CDH18: variants seen among roughly 807,000 people sequenced by gnomAD.
The protein encoded by CDH18 is cadherin-18.
CDH18 carries 31 observed loss-of-function variants against 67.9 expected under a neutral mutation model. The observed-to-expected ratio is 0.46, with a 90% CI of 0.34 to 0.62. The LOEUF is 0.62. Among genes scored for constraint, CDH18 ranks in the 20% least tolerant of loss-of-function variants. CDH18 has a pLI of 0.01. For missense variants in CDH18, 890 were observed against 975.5 expected (o/e 0.91, Z 1.17); for synonymous variants, 362 against 347.2 (o/e 1.04, Z -0.48).
rs1170584143 is a variant in CDH18, at chr5:20,238,372, T to A, written c.-518+17072A>T. On this transcript the variant is annotated intron_variant, in intron 2 of 14. Transcript: ENST00000507958. ...TGTATTCAGAATTTAAATAGAAATCTCAGCTTCATAAGGAAGTAAGCCAGT... is the reference window on the plus strand; with the variant it reads ...TGTATTCAGAATTTAAATAGAAATCACAGCTTCATAAGGAAGTAAGCCAGT... Among the ~76,000 whole-genome samples, 11 of 152,248 alleles carry A rather than the reference T, an allele frequency of 7.2e-5. No individual in the cohort carries two copies. The South Asian group carries it at 2.1e-3, about 29-fold the overall frequency.
chr5:19,631,573 C>CAA (rs149012621), intron 5 of CDH18, among the ~76,000 whole-genome samples: 2 of 149,518 alleles, frequency 1.3e-5, no homozygotes, highest in African/African-American at 4.9e-5. Flanking sequence ...CTATATTCCA[C>CAA]AAAAAAAAAT....
At chr5:19,915,821 A>C (rs1791711429) in intron 2 of CDH18, among the ~76,000 whole-genome samples, 1 of 151,792 alleles carries the variant, frequency 6.6e-6, no homozygotes, top group African/African-American at 2.4e-5. Context: ...TATGTTTATT[A>C]AAGGAGGCAA....
At chr5:19,712,532 G>A (rs2150534883) in intron 5 of CDH18, among the ~76,000 whole-genome samples, 1 of 151,892 alleles carries the variant, frequency 6.6e-6, no homozygotes, top group South Asian at 2.1e-4. Flanking sequence ...CCACTGAAGT[G>A]TAAATTTGTG....
At chr5:20,000,676 G>C (rs1736374399) in intron 2 of CDH18, among the ~76,000 whole-genome samples, 1 of 151,964 alleles carries the variant, frequency 6.6e-6, no homozygotes, top group African/African-American at 2.4e-5. Flanking sequence ...TGATTATGTT[G>C]ATAATAATAA....
At chr5:20,114,418 T>G (rs1747725126) in intron 2 of CDH18, among the ~76,000 whole-genome samples, 1 of 151,824 alleles carries the variant, frequency 6.6e-6, no homozygotes, top group Non-Finnish European at 1.5e-5. Context: ...AAGAAAAGAA[T>G]CAGCAAAAGT....
rs1251256961 is a variant in CDH18 at position 19,744,539 on chromosome 5, C to CA, written c.523+2402dup. On this transcript the variant is annotated intron_variant, in intron 4 of 12. Coordinates refer to ENST00000382275, the MANE Select transcript of CDH18 (RefSeq NM_004934.5). ...ACACACACACACACACACACACACA[C>CA]ATCTATTCCAGAGTTCACTGTTGAT... 9.3e-5 allele frequency among the ~76,000 whole-genome samples: 14 copies of CA among 150,850 alleles called. No homozygotes were observed. In the East Asian group the frequency reaches 1.9e-3, roughly 21 times the overall value.
intron 3 of CDH18, among the ~76,000 whole-genome samples, chr5:19,782,516 G>A (rs1775242544): frequency 6.6e-6 from 1 of 152,096 alleles, no homozygotes; most frequent in Non-Finnish European, 1.5e-5. Flanking sequence ...GGATTGTGAT[G>A]TGGAGAAAAG....
intron 1 of CDH18, among the ~76,000 whole-genome samples, chr5:20,486,464 G>A (rs757201423): frequency 2.0e-5 from 3 of 151,832 alleles, no homozygotes; most frequent in Non-Finnish European, 4.4e-5. Flanking sequence ...GCATGTGTAG[G>A]TGATGATCAT....
At chr5:20,234,319 T>C (rs976500601) in intron 2 of CDH18, among the ~76,000 whole-genome samples, 2 of 152,164 alleles carry the variant, frequency 1.3e-5, no homozygotes, top group Non-Finnish European at 2.9e-5. Context: ...CTACTCATCA[T>C]AGTCTATTCC....
At chr5:20,335,693 T>C (rs557264382) in intron 1 of CDH18, among the ~76,000 whole-genome samples, 1 of 152,328 alleles carries the variant, frequency 6.6e-6, no homozygotes, top group South Asian at 2.1e-4. Context: ...CTTTTATCTG[T>C]GTCTTTCACT....
At chr5:19,993,751 A>T in intron 2 of CDH18, among the ~76,000 whole-genome samples, 1 of 152,118 alleles carries the variant, frequency 6.6e-6, no homozygotes, top group East Asian at 1.9e-4. Context: ...TATATAGATA[A>T]TAGATATATA....
intron 1 of CDH18, among the ~76,000 whole-genome samples, chr5:20,318,298 CA>C (rs1241451706): frequency 6.6e-6 from 1 of 151,866 alleles, no homozygotes. Flanking sequence ...TACAAACTCC[CA>C]AAAAAGTTAC....
At chr5:19,674,983 C>T (rs1399753237) in intron 5 of CDH18, among the ~76,000 whole-genome samples, 1 of 152,068 alleles carries the variant, frequency 6.6e-6, no homozygotes, top group Non-Finnish European at 1.5e-5. Context: ...CCCTAAGTGT[C>T]AGCCTGTCTG....
chr5:20,442,349 C>T (rs1208308551), intron 1 of CDH18, among the ~76,000 whole-genome samples: 1 of 151,720 alleles, frequency 6.6e-6, no homozygotes, highest in Non-Finnish European at 1.5e-5. Context: ...TGATAAAAAC[C>T]GTAAATAAAC....
At chr5:20,125,850 A>G (rs1748775884) in intron 2 of CDH18, among the ~76,000 whole-genome samples, 1 of 151,888 alleles carries the variant, frequency 6.6e-6, no homozygotes, top group Non-Finnish European at 1.5e-5. Flanking sequence ...CAACCTCTTC[A>G]TAAGACTCTC....
chr5:20,390,934 T>A (rs560113460), intron 1 of CDH18, among the ~76,000 whole-genome samples: 62 of 151,430 alleles, frequency 4.1e-4, no homozygotes, highest in Middle Eastern at 6.8e-3. Context: ...AATTGAACAA[T>A]GAGAACACAT....
chr5:20,075,193 A>T (rs1255705625), intron 2 of CDH18, among the ~76,000 whole-genome samples: 2 of 152,114 alleles, frequency 1.3e-5, no homozygotes, highest in African/African-American at 4.8e-5. Context: ...GACATCACTG[A>T]ATGGAAGTAA....
chr5:20,537,522 T>G (rs1756796933), intron 1 of CDH18, among the ~76,000 whole-genome samples: 1 of 152,136 alleles, frequency 6.6e-6, no homozygotes, highest in Admixed American at 6.6e-5. Flanking sequence ...AACATGGTCC[T>G]ATTAATTAAT....
At chr5:20,054,877 T>C (rs1333415941) in intron 2 of CDH18, among the ~76,000 whole-genome samples, 1 of 152,180 alleles carries the variant, frequency 6.6e-6, no homozygotes, top group Non-Finnish European at 1.5e-5. Context: ...TGTGGCCAGA[T>C]GGAGCAGTCA....
Sources: allele counts gnomAD v4.1 joint callset (sites outside exome capture counted in the v4.1 genomes callset), GRCh38; gene constraint gnomAD v4.1.1; transcripts MANE v1.5; gene names NCBI Gene and HGNC (gene_info 2026-07-23, HGNC 2026-07-21).